The following COPA variants were observed in gnomAD, a reference collection of about 807,000 sequenced individuals.
The protein encoded by COPA is coatomer subunit alpha.
A neutral mutation model predicts 158.7 loss-of-function variants in COPA; 10 were observed. The observed-to-expected ratio is 0.06, with a 90% CI of 0.04 to 0.11. The LOEUF is 0.11. Among genes scored for constraint, COPA ranks in the 10% least tolerant of loss-of-function variants. The probability of loss-of-function intolerance (pLI) is 1.00; values close to 1 mark genes in which losing one functional copy is unlikely to be tolerated. For synonymous variants in COPA, 462 were observed against 542.8 expected (o/e 0.85, Z 2.07); for missense variants, 1,065 against 1,536.7 (o/e 0.69, Z 5.13).
intron 31 of COPA, among the ~76,000 whole-genome samples, chr1:160,290,888 A>G (rs1310490104): frequency 6.6e-6 from 1 of 152,242 alleles, no homozygotes; most frequent in Non-Finnish European, 1.5e-5. Flanking sequence ...TCTCAATACA[A>G]AAGTGGCTCC....
Position 160,297,626 on chromosome 1 carries a change from G to C in COPA, c.2097C>G (p.Asn699Lys), listed in dbSNP as rs764761582. 1 of 1,614,076 alleles carries C rather than the reference G, an allele frequency of 6.2e-7. No individual in the cohort carries two copies. The highest frequency in any genetic ancestry group is 8.5e-7 in the Non-Finnish European group (1 of 1,180,034). ...IVEMCYQRTK[N>K]FDKLSFLYLI... ...GATACAGGAAGGAAAGTTTGTCAAAGTTTTTGGTACGCTGATAGCACATTT... is the reference window on the plus strand; with the variant it reads ...GATACAGGAAGGAAAGTTTGTCAAACTTTTTGGTACGCTGATAGCACATTT... The change falls in exon 20 of 33, where the codon AAC becomes AAG. Residue 699 changes from asparagine to lysine, a missense_variant. Asn to Lys is a moderately conservative substitution (Grantham distance 94). Transcript: ENST00000241704.
chr1:160,337,065 G>C (rs1312899757), intron 3 of COPA, among the ~76,000 whole-genome samples: 1 of 152,174 alleles, frequency 6.6e-6, no homozygotes, highest in Non-Finnish European at 1.5e-5. Flanking sequence ...GTACACAGTA[G>C]AGTTTCACAT....
intron 10 of COPA, 36 bp from the exon 11 acceptor site, chr1:160,312,054 T>C (rs548482806): frequency 7.9e-5 from 126 of 1,598,814 alleles, no homozygotes; most frequent in East Asian, 4.9e-4. Context: ...AAAATTAAGC[T>C]GTAGGCAAGA....
At position 160,290,103 on chromosome 1, in the gene COPA, A is replaced by T. The variant is rs1403444803; in HGVS notation, c.*54T>A. 17 of 1,540,976 alleles carry T rather than the reference A, an allele frequency of 1.1e-5. No homozygotes were observed. The highest frequency in any genetic ancestry group is 1.5e-5 in the Non-Finnish European group (17 of 1,114,136). Reference sequence around the variant, plus strand: ...AGGTGCTGTTAGAAGGAGGATATAGACACATTCTCTGGGGGGAACATATGG... The same window carrying T: ...AGGTGCTGTTAGAAGGAGGATATAGTCACATTCTCTGGGGGGAACATATGG... On this transcript the variant is annotated 3_prime_UTR_variant, in exon 33 of 33. Coordinates refer to ENST00000241704, the MANE Select transcript of COPA (RefSeq NM_004371.4).
At chr1:160,318,258 T>C (rs1460334848) in intron 8 of COPA, among the ~76,000 whole-genome samples, 1 of 152,056 alleles carries the variant, frequency 6.6e-6, no homozygotes, top group Non-Finnish European at 1.5e-5. Flanking sequence ...ATGGCTTCAT[T>C]GAAGAAAAGG....
chr1:160,339,152 CTCAT>C lies in COPA; in HGVS notation c.228+753_228+756del, dbSNP rs1243616539. 3.4e-3 allele frequency among the ~76,000 whole-genome samples: 403 copies of C among 118,588 alleles called. 3 individuals are homozygous for C. The highest frequency in any genetic ancestry group is 0.03 in the East Asian group (130 of 4,302). 77.8% of individuals were successfully genotyped at this position (118,588 alleles called of 152,430 possible). ...GCCCTTATTTCTCCTTATTGGCCAT[CTCAT>C]TTATTTCTCCTTATTGGCCATCACC... is the stretch of plus-strand genomic sequence containing the variant. On this transcript the variant is annotated intron_variant, in intron 3 of 32. Transcript: ENST00000241704.
chr1:160,291,528 T>C, intron 30 of COPA, 32 bp from the exon 31 acceptor site: 1 of 1,606,972 alleles, frequency 6.2e-7, no homozygotes, highest in Non-Finnish European at 8.5e-7. Context: ...ACATGCCAGG[T>C]TGATGCTACA....
intron 17 of COPA, among the ~76,000 whole-genome samples, chr1:160,303,997 G>A (rs1658698887): frequency 6.6e-6 from 1 of 151,936 alleles, no homozygotes; most frequent in Non-Finnish European, 1.5e-5. Context: ...AACTTGTCAA[G>A]AAGACAAGAA....
Position 160,326,863 on chromosome 1 carries a change from C to T in COPA, c.497-1211G>A, listed in dbSNP as rs868833704. ...GAGGAATTATCCTGTAACTTAAAAA[C>T]GATGGAAAAAGACACCAGAATAATA... is the stretch of plus-strand genomic sequence containing the variant. On this transcript the variant is annotated intron_variant, in intron 6 of 32. Coordinates refer to ENST00000241704, the MANE Select transcript of COPA (RefSeq NM_004371.4). Among the ~76,000 whole-genome samples, 4 of 152,138 alleles carry T rather than the reference C, an allele frequency of 2.6e-5. No homozygotes were observed. In the South Asian group the frequency reaches 8.3e-4, roughly 31 times the overall value.
chr1:160,290,200 T>C lies in COPA; in HGVS notation c.3632A>G (p.Lys1211Arg), dbSNP rs1305487230. 1 of 1,613,980 alleles carries C rather than the reference T, an allele frequency of 6.2e-7. No homozygotes were observed. Among genetic ancestry groups the C allele is most frequent in the African/African-American group, 1.3e-5 (1 of 74,880 alleles). ...ACTGATCCTTAAACCAATCACATCTTTGCCAATCTCTGTCACCTGTGGAAA... is the reference window on the plus strand; with the variant it reads ...ACTGATCCTTAAACCAATCACATCTCTGCCAATCTCTGTCACCTGTGGAAA... The part of the protein sequence containing the change: ...CRVTTVTEIG[K>R]DVIGLRISPL... Residue 1211 changes from lysine (K) to arginine (R), a missense_variant, in exon 33 of 33, where the codon AAA becomes AGA. Physicochemically the swap from Lys to Arg is conservative, Grantham distance 26. Coordinates refer to ENST00000241704, the MANE Select transcript of COPA (RefSeq NM_004371.4).
chr1:160,323,537 A>G lies in COPA; in HGVS notation c.607-7T>C. Reference sequence around the variant, plus strand: ...TTACTCCACGATCGTGACCCTGTAGAAAAGAGTGGTTCTTCTAAAACATCT... The same window carrying G: ...TTACTCCACGATCGTGACCCTGTAGGAAAGAGTGGTTCTTCTAAAACATCT... On this transcript the variant is annotated splice_polypyrimidine_tract_variant and splice_region_variant and intron_variant, in intron 7 of 32. Coordinates refer to ENST00000241704, the MANE Select transcript of COPA (RefSeq NM_004371.4). 1 of 1,603,554 alleles carries G rather than the reference A, an allele frequency of 6.2e-7. No individual in the cohort carries two copies. Among genetic ancestry groups the G allele is most frequent in the African/African-American group, 1.3e-5 (1 of 74,692 alleles).
chr1:160,313,895 A>G (rs1257377806), intron 9 of COPA, 95 bp downstream of exon 9: 25 of 1,171,138 alleles, frequency 2.1e-5, no homozygotes, highest in Middle Eastern at 2.2e-4. Context: ...ATTTGTCTAC[A>G]TGCTGAAGAT....
chr1:160,290,413 GA>G (rs1658186640), intron 32 of COPA, 78 bp downstream of exon 32: 29 of 1,514,632 alleles, frequency 1.9e-5, no homozygotes, highest in Non-Finnish European at 2.3e-5. Context: ...AGCACAAGAA[GA>G]AAAAAAGGAC....
chr1:160,312,479 C>T (rs555622830), intron 10 of COPA, among the ~76,000 whole-genome samples: 1 of 152,294 alleles, frequency 6.6e-6, no homozygotes, highest in African/African-American at 2.4e-5. Context: ...ATGTTTTGCT[C>T]TTTCCCTACT....
chr1:160,305,437 T>C lies in COPA; in HGVS notation c.1663A>G (p.Thr555Ala), dbSNP rs1658751391. The change falls in exon 17 of 33, where the codon ACT becomes GCT. Residue 555 changes from threonine to alanine, a missense_variant. By Grantham distance (58) the Thr-to-Ala change is moderately conservative. This residue lies in a region of COPA where 980 missense variants were observed against 1,357.8 expected (regional missense o/e 0.72). Transcript: ENST00000241704. Reference protein sequence around the residue: ...TSNHIKYAVTTGDHGIIRTLD... With the variant: ...TSNHIKYAVTAGDHGIIRTLD... ...TATCCCAGATAATTAACTTACCCAG[T>C]GGTGACAGCATATTTGATGTGGTTG... The C allele has an allele frequency of 2.5e-6, 4 of 1,614,094 alleles. No individual in the cohort carries two copies. Among genetic ancestry groups the C allele is most frequent in the Non-Finnish European group, 3.4e-6 (4 of 1,179,968 alleles).
chr1:160,294,693 T>G lies in COPA; in HGVS notation c.2566+75A>C. ...TAGTTCGTTTCATGGCCTGGAAGTC[T>G]GCAGAGCTACCCACAACCCAGTCCC... On this transcript the variant is annotated intron_variant, in intron 24 of 32. Coordinates refer to ENST00000241704, the MANE Select transcript of COPA (RefSeq NM_004371.4). 3 of 1,595,776 alleles carry G rather than the reference T, an allele frequency of 1.9e-6. No homozygotes were observed. The South Asian group carries it at 3.3e-5, about 18-fold the overall frequency.
At chr1:160,302,187 A>G (rs953321874) in intron 17 of COPA, among the ~76,000 whole-genome samples, 1 of 152,196 alleles carries the variant, frequency 6.6e-6, no homozygotes, top group African/African-American at 2.4e-5. Context: ...TCCTAAAATC[A>G]ATTTTAAATT....
At chr1:160,312,351 C>T (rs1168149078) in intron 10 of COPA, among the ~76,000 whole-genome samples, 1 of 152,130 alleles carries the variant, frequency 6.6e-6, no homozygotes, top group African/African-American at 2.4e-5. Flanking sequence ...ACATGAATTC[C>T]CTGAAGGCAG....
intron 27 of COPA, 115 bp from the exon 28 acceptor site, chr1:160,292,735 A>T (rs1409482286): frequency 1.3e-6 from 1 of 778,280 alleles, no homozygotes; most frequent in Non-Finnish European, 2.0e-6. Context: ...AAATACACTT[A>T]ATTGTAAGAC....
Sources: allele counts gnomAD v4.1 joint callset (sites outside exome capture counted in the v4.1 genomes callset), GRCh38; gene constraint gnomAD v4.1.1; regional missense constraint gnomAD v4.1.1; transcripts MANE v1.5; gene names NCBI Gene and HGNC (gene_info 2026-07-23, HGNC 2026-07-21).